Variants in NSD3 observed in about 807,000 individuals in gnomAD.
The protein encoded by NSD3 is histone-lysine N-methyltransferase NSD3.
In NSD3, 24 loss-of-function variants were observed where a neutral mutation model predicts 160.8. That is an observed-to-expected ratio of 0.15 (90% confidence interval 0.11 to 0.21). NSD3 has a LOEUF of 0.21. Among genes scored for constraint, NSD3 ranks in the 10% least tolerant of loss-of-function variants. The pLI is 1.00. For missense variants in NSD3, 1,157 were observed against 1,735.9 expected (o/e 0.67, Z 5.93); for synonymous variants, 520 against 600.0 (o/e 0.87, Z 1.95).
intron 19 of NSD3, among the ~76,000 whole-genome samples, chr8:38,283,270 C>T (rs1387182092): frequency 6.6e-6 from 1 of 152,130 alleles, no homozygotes; most frequent in Non-Finnish European, 1.5e-5. Flanking sequence ...AAGCACTGCT[C>T]ATTCAATCTA....
At chr8:38,361,754 CAAAAAAAAAA>C (rs756700150) in intron 1 of NSD3, among the ~76,000 whole-genome samples, 3 of 31,162 alleles carry the variant, frequency 9.6e-5, no homozygotes, top group Non-Finnish European at 1.4e-4. Context: ...GACTCCGTCT[CAAAAAAAAAA>C]AAAAAAAAAA....
intron 1 of NSD3, among the ~76,000 whole-genome samples, chr8:38,352,502 G>A (rs1387511330): frequency 6.6e-6 from 1 of 152,196 alleles, no homozygotes; most frequent in Non-Finnish European, 1.5e-5. Flanking sequence ...AAAAGAAAGT[G>A]AGCTTCAGAG....
rs1166275895 is a variant in NSD3 at position 38,288,514 on chromosome 8, G to C, written c.3474C>G (p.Gly1158=). Residue 1158 remains glycine (G), a synonymous_variant, in exon 19 of 24, where the codon GGC becomes GGG. Coordinates refer to ENST00000317025, the MANE Select transcript of NSD3 (RefSeq NM_023034.2). This position sits in a 1 kb window ranked among gnomAD's most constrained non-coding sequence, Gnocchi z 4.5. The part of the protein sequence containing the change: ...EIIKTERRGW[G]LRTKRSIKKG... The stretch of plus-strand genomic sequence containing the variant: ...TCTTAATGCTCCTTTTGGTCCTGAG[G>C]CCCCAGCCTCTCCGCTCCGTTTTGA... The C allele has an allele frequency of 6.2e-7, 1 of 1,614,058 alleles. No homozygotes were observed. The highest frequency in any genetic ancestry group is 2.2e-5 in the East Asian group (1 of 44,868).
intron 12 of NSD3, among the ~76,000 whole-genome samples, chr8:38,307,827 A>G (rs1356036948): frequency 1.3e-5 from 2 of 152,262 alleles, no homozygotes; most frequent in Admixed American, 6.5e-5. Flanking sequence ...AACAGTAATT[A>G]TAATATTTTC....
In NSD3 at chr8:38,372,240, C is replaced by G. The variant is rs185261664; in HGVS notation, c.-45+9559G>C. Among the ~76,000 whole-genome samples, 421 of 152,244 alleles carry G rather than the reference C, an allele frequency of 2.8e-3. 1 individual carries two copies. Among genetic ancestry groups the G allele is most frequent in the African/African-American group, 9.9e-3 (410 of 41,550 alleles). ...TTTAAAACCTAATCACTGAATCTTA[C>G]CAAAAAGTGCAACAGAGATGAACTC... is the stretch of plus-strand genomic sequence containing the variant. On this transcript the variant is annotated intron_variant, in intron 1 of 23. Coordinates refer to ENST00000317025, the MANE Select transcript of NSD3 (RefSeq NM_023034.2).
At chr8:38,337,132 A>C (rs1810238286) in intron 4 of NSD3, among the ~76,000 whole-genome samples, 173 bp downstream of exon 4, 1 of 151,518 alleles carries the variant, frequency 6.6e-6, no homozygotes, top group African/African-American at 2.4e-5. Context: ...ACAGAGCAAA[A>C]ACTCCGTCTC....
chr8:38,342,133 C>T (rs982520122), intron 2 of NSD3, among the ~76,000 whole-genome samples: 1 of 151,940 alleles, frequency 6.6e-6, no homozygotes, highest in African/African-American at 2.4e-5. Flanking sequence ...GGCTAGGGAG[C>T]GAAGGATGCC....
At chr8:38,297,033 T>TC (rs1809166282) in intron 15 of NSD3, among the ~76,000 whole-genome samples, 1 of 152,230 alleles carries the variant, frequency 6.6e-6, no homozygotes, top group African/African-American at 2.4e-5. Context: ...TGCAGTTTGA[T>TC]TCTGTACAAA....
chr8:38,373,242 AT>A (rs1428624193), intron 1 of NSD3, among the ~76,000 whole-genome samples: 1 of 150,126 alleles, frequency 6.7e-6, no homozygotes, highest in Non-Finnish European at 1.5e-5. Flanking sequence ...TTTTTTTGAG[AT>A]GGAGAGTCTT....
At chr8:38,314,975 C>G (rs1431415520) in intron 11 of NSD3, among the ~76,000 whole-genome samples, 1 of 152,086 alleles carries the variant, frequency 6.6e-6, no homozygotes, top group Non-Finnish European at 1.5e-5. Context: ...CTTTGAGAAC[C>G]AGAGAACTAG....
At chr8:38,279,407 C>G in intron 21 of NSD3, 133 bp downstream of exon 21, 1 of 1,092,966 alleles carries the variant, frequency 9.1e-7, no homozygotes. Flanking sequence ...TATTTGAATA[C>G]GTTTTCTAAA....
At position 38,288,859 on chromosome 8, in the gene NSD3, T is replaced by C. The variant is rs1808929322; in HGVS notation, c.3232-103A>G. The C allele has an allele frequency of 2.1e-6, 3 of 1,420,496 alleles. No individual in the cohort carries two copies. The South Asian group carries it at 4.1e-5, about 19-fold the overall frequency. 88.0% of individuals were successfully genotyped at this position (1,420,496 alleles called of 1,614,324 possible). The stretch of plus-strand genomic sequence containing the variant: ...CCACGCTACTGCCTCGTGGTGCTAC[T>C]CCGAGAAAGGTTGTCTTTCCTGATG... On this transcript the variant is annotated intron_variant, in intron 18 of 23. Transcript: ENST00000317025. This position sits in a 1 kb window ranked among gnomAD's most constrained non-coding sequence, Gnocchi z 4.5.
At chr8:38,341,611 AGAACATTCCAGGAGGAAG>A (rs1810368739) in intron 2 of NSD3, among the ~76,000 whole-genome samples, 1 of 152,128 alleles carries the variant, frequency 6.6e-6, no homozygotes, top group South Asian at 2.1e-4. Flanking sequence ...CATGGAGGAA[AGAACATTCCAGGAGGAAG>A]GAGTAGCATG....
At chr8:38,312,605 T>C (rs1008555702) in intron 12 of NSD3, among the ~76,000 whole-genome samples, 11 of 152,178 alleles carry the variant, frequency 7.2e-5, no homozygotes, top group African/African-American at 2.2e-4. Context: ...CTTGGTGCTG[T>C]CTTTGCGACA....
At chr8:38,348,330 T>G (rs898492720) in intron 1 of NSD3, 115 bp from the exon 2 acceptor site, 6 of 682,372 alleles carry the variant, frequency 8.8e-6, no homozygotes, top group Non-Finnish European at 1.4e-5. Flanking sequence ...TATCCAGATA[T>G]GCATAGACAT....
chr8:38,281,058 A>G (rs1324665340), intron 20 of NSD3, among the ~76,000 whole-genome samples: 1 of 152,174 alleles, frequency 6.6e-6, no homozygotes, highest in Non-Finnish European at 1.5e-5. Context: ...GCCCTGCCGA[A>G]AAGTTTTAAT....
Position 38,273,755 on chromosome 8 carries a change from T to C in NSD3, c.*1886A>G, listed in dbSNP as rs989111481. On this transcript the variant is annotated 3_prime_UTR_variant, in exon 24 of 24. Transcript: ENST00000317025. ...TCATGTTACTTGTAGCAATTATATT[T>C]GGTGACATGGATCGCATTTTCCATT... The C allele has an allele frequency of 5.9e-5, 9 of 152,362 alleles. No homozygotes were observed. The highest frequency in any genetic ancestry group is 5.9e-4 in the Admixed American group (9 of 15,298). The allele number at this position is 152,362 out of a possible 1,614,324, so 9.4% of individuals were successfully genotyped here.
intron 19 of NSD3, among the ~76,000 whole-genome samples, chr8:38,283,839 C>T (rs1423123772): frequency 1.3e-5 from 2 of 152,142 alleles, no homozygotes; most frequent in African/African-American, 4.8e-5. Flanking sequence ...TGTGGTGGCT[C>T]ATGCTGTAAT....
At chr8:38,352,116 A>G (rs1012664557) in intron 1 of NSD3, among the ~76,000 whole-genome samples, 1 of 152,074 alleles carries the variant, frequency 6.6e-6, no homozygotes, top group Non-Finnish European at 1.5e-5. Context: ...TTAATAATAG[A>G]CTGATTAACA....
Sources: allele counts gnomAD v4.1 joint callset (sites outside exome capture counted in the v4.1 genomes callset), GRCh38; gene constraint gnomAD v4.1.1; non-coding constraint Gnocchi (gnomAD v3.1); transcripts MANE v1.5; gene names NCBI Gene and HGNC (gene_info 2026-07-23, HGNC 2026-07-21).